Variants in GRID1 observed in about 807,000 individuals in gnomAD.
GRID1 encodes glutamate receptor ionotropic, delta-1.
In GRID1, 28 loss-of-function variants were observed where a neutral mutation model predicts 98.0. That is an observed-to-expected ratio of 0.29 (90% confidence interval 0.21 to 0.39). GRID1 has a LOEUF of 0.39. GRID1 is among the 10% of genes least tolerant of loss of function. The pLI is 1.00. For synonymous variants in GRID1, 553 were observed against 538.5 expected (o/e 1.03, Z -0.37); for missense variants, 1,111 against 1,340.5 (o/e 0.83, Z 2.67).
At chr10:85,733,060 G>C (rs142483431) in intron 8 of GRID1, among the ~76,000 whole-genome samples, 4 of 152,152 alleles carry the variant, frequency 2.6e-5, no homozygotes, top group Non-Finnish European at 5.9e-5. Flanking sequence ...TGTAGATATT[G>C]TACACAGAAT....
At chr10:85,737,925 A>G (rs1841902969) in intron 8 of GRID1, among the ~76,000 whole-genome samples, 4 of 151,810 alleles carry the variant, frequency 2.6e-5, no homozygotes, top group Admixed American at 2.6e-4. Flanking sequence ...CATGGATCAA[A>G]AGCAGGTGGT....
intron 2 of GRID1, among the ~76,000 whole-genome samples, chr10:86,324,496 A>G (rs1848015986): frequency 6.6e-6 from 1 of 152,196 alleles, no homozygotes. Context: ...CTTAGTGTCC[A>G]GGGTGAGGGA....
At chr10:85,873,088 T>C (rs1351924960) in intron 5 of GRID1, among the ~76,000 whole-genome samples, 1 of 152,222 alleles carries the variant, frequency 6.6e-6, no homozygotes. Flanking sequence ...CTGGGTCTCT[T>C]GTAGTGCCAC....
intron 8 of GRID1, among the ~76,000 whole-genome samples, chr10:85,822,102 A>T (rs1329075093): frequency 6.6e-6 from 1 of 152,190 alleles, no homozygotes; most frequent in Admixed American, 6.5e-5. Context: ...AAACCTAGGC[A>T]TTACCATTCA....
chr10:85,818,969 C>T (rs1842738707), intron 8 of GRID1, among the ~76,000 whole-genome samples: 1 of 152,116 alleles, frequency 6.6e-6, no homozygotes, highest in East Asian at 1.9e-4. Context: ...GATCCGCCCG[C>T]CTCAGCCTCC....
intron 6 of GRID1, among the ~76,000 whole-genome samples, chr10:85,861,874 C>T (rs1313062986): frequency 1.3e-5 from 2 of 152,210 alleles, no homozygotes; most frequent in African/African-American, 4.8e-5. Context: ...GGTCACCTCC[C>T]ATTTTGGGGG....
chr10:86,123,627 C>T (rs1052930878), intron 4 of GRID1, among the ~76,000 whole-genome samples: 2 of 152,172 alleles, frequency 1.3e-5, no homozygotes, highest in African/African-American at 4.8e-5. Flanking sequence ...AGGTGATGAG[C>T]GGAAGGTTTG....
At chr10:85,768,030 A>C (rs556225752) in intron 8 of GRID1, among the ~76,000 whole-genome samples, 1 of 152,338 alleles carries the variant, frequency 6.6e-6, no homozygotes, top group South Asian at 2.1e-4. Flanking sequence ...GTAATCCCCA[A>C]ACAGAACAGG....
intron 4 of GRID1, among the ~76,000 whole-genome samples, chr10:86,089,731 A>G (rs780067938): frequency 1.3e-5 from 2 of 152,164 alleles, no homozygotes; most frequent in South Asian, 4.1e-4. Flanking sequence ...TATATAAAGA[A>G]GGACCAAACA....
chr10:85,866,288 T>A, intron 6 of GRID1, among the ~76,000 whole-genome samples: 1 of 118,194 alleles, frequency 8.5e-6, no homozygotes, highest in Admixed American at 1.1e-4. Flanking sequence ...TGGAGATAGG[T>A]AGACTAAATC....
intron 4 of GRID1, among the ~76,000 whole-genome samples, chr10:86,094,192 T>C (rs1279979608): frequency 6.6e-6 from 1 of 152,200 alleles, no homozygotes; most frequent in Admixed American, 6.5e-5. Flanking sequence ...ACAAGGGACA[T>C]ACCTTAATGT....
chr10:86,266,586 C>T (rs1012505269), intron 2 of GRID1, among the ~76,000 whole-genome samples: 2 of 152,200 alleles, frequency 1.3e-5, no homozygotes, highest in Non-Finnish European at 2.9e-5. Context: ...TCCCATGATC[C>T]CAGGTCAGTG....
At chr10:86,025,265 T>C (rs1843101639) in intron 4 of GRID1, among the ~76,000 whole-genome samples, 2 of 152,142 alleles carry the variant, frequency 1.3e-5, no homozygotes, top group Admixed American at 1.3e-4. Context: ...TTGGGAGCAC[T>C]AGGTAATATA....
intron 2 of GRID1, among the ~76,000 whole-genome samples, chr10:86,299,845 T>TA (rs1438704603): frequency 2.0e-5 from 3 of 152,162 alleles, no homozygotes; most frequent in African/African-American, 7.2e-5. Context: ...GTGCTGGAGT[T>TA]AGTCTTGGGG....
At chr10:86,056,916 C>T (rs968728701) in intron 4 of GRID1, among the ~76,000 whole-genome samples, 2 of 152,236 alleles carry the variant, frequency 1.3e-5, no homozygotes, top group Non-Finnish European at 2.9e-5. Context: ...TGCCACGAAG[C>T]ATCAGAAGAT....
chr10:85,773,472 AG>A (rs561246497), intron 8 of GRID1, among the ~76,000 whole-genome samples: 1,835 of 152,354 alleles, frequency 0.012, 11 homozygotes, highest in Non-Finnish European at 0.017. Context: ...AGTTCTGGCC[AG>A]GGCAATTAGG....
At chr10:86,257,012 C>T (rs952653460) in intron 2 of GRID1, among the ~76,000 whole-genome samples, 5 of 152,234 alleles carry the variant, frequency 3.3e-5, no homozygotes, top group Non-Finnish European at 5.9e-5. Flanking sequence ...AGTGCATCTC[C>T]CTAGCACTGA....
chr10:86,316,495 C>G (rs182471886), intron 2 of GRID1, among the ~76,000 whole-genome samples: 24 of 152,366 alleles, frequency 1.6e-4, no homozygotes, highest in African/African-American at 3.8e-4. Flanking sequence ...AGACAAAGAG[C>G]CTTTCTCCAG....
intron 12 of GRID1, among the ~76,000 whole-genome samples, chr10:85,717,160 T>C (rs1260030266): frequency 6.6e-6 from 1 of 152,224 alleles, no homozygotes; most frequent in African/African-American, 2.4e-5. Context: ...GTAACAGATA[T>C]GTTACTTAGC....
Sources: allele counts gnomAD v4.1 joint callset (sites outside exome capture counted in the v4.1 genomes callset), GRCh38; gene constraint gnomAD v4.1.1; transcripts MANE v1.5; gene names NCBI Gene and HGNC (gene_info 2026-07-23, HGNC 2026-07-21).